The following GALNT2 variants were observed in gnomAD, a reference collection of about 807,000 sequenced individuals.
The protein encoded by GALNT2 is UDP-GalNAc:polypeptide N-acetylgalactosaminyltransferase 2.
A neutral mutation model predicts 81.4 loss-of-function variants in GALNT2; 31 were observed. That is an observed-to-expected ratio of 0.38 (90% CI 0.29 to 0.51). The LOEUF (loss-of-function observed/expected upper bound fraction) is 0.51, where lower values mean the gene tolerates loss of function less well. Among genes scored for constraint, GALNT2 ranks in the 20% least tolerant of loss-of-function variants. The pLI is 0.87. For missense variants in GALNT2, 629 were observed against 765.7 expected (o/e 0.82, Z 2.11); for synonymous variants, 303 against 287.4 (o/e 1.05, Z -0.55).
intron 14 of GALNT2, among the ~76,000 whole-genome samples, chr1:230,266,327 T>C (rs1260415989): frequency 6.6e-6 from 1 of 152,118 alleles, no homozygotes; most frequent in Non-Finnish European, 1.5e-5. Flanking sequence ...TCCCATGAGA[T>C]AATAATAGGA....
At chr1:230,272,996 T>C (rs563921199) in intron 14 of GALNT2, among the ~76,000 whole-genome samples, 43 of 152,262 alleles carry the variant, frequency 2.8e-4, no homozygotes, top group African/African-American at 9.9e-4. Flanking sequence ...GATCTTGAAC[T>C]CCTGGCATTA....
chr1:230,166,947 C>G (rs189832141), intron 1 of GALNT2, among the ~76,000 whole-genome samples: 2 of 152,282 alleles, frequency 1.3e-5, no homozygotes, highest in African/African-American at 4.8e-5. Flanking sequence ...CTTGGGTTGG[C>G]TGTACCTGGG....
intron 1 of GALNT2, among the ~76,000 whole-genome samples, chr1:230,136,843 A>G (rs1661564416): frequency 6.6e-6 from 1 of 152,186 alleles, no homozygotes; most frequent in African/African-American, 2.4e-5. Flanking sequence ...CAACAAGAAC[A>G]GGTTGAAATC....
chr1:230,120,822 G>A (rs1660994135), intron 1 of GALNT2, among the ~76,000 whole-genome samples: 1 of 152,202 alleles, frequency 6.6e-6, no homozygotes, highest in African/African-American at 2.4e-5. Flanking sequence ...GCCAGACACA[G>A]CTGAATCTCA....
In GALNT2 at chr1:230,249,244, G is replaced by A. The variant is rs201131857; in HGVS notation, c.878G>A (p.Arg293Gln). Residue 293 changes from arginine (R) to glutamine (Q), a missense_variant, in exon 9 of 16, where the codon CGG becomes CAG. Physicochemically the swap from Arg to Gln is conservative, Grantham distance 43. Coordinates refer to ENST00000366672, the MANE Select transcript of GALNT2 (RefSeq NM_004481.5). ...ATGACGCCTGAGCAGAGAAGGTCCC[G>A]GCAGGGGAACCCAGTCGCCCCTATA... ...DYMTPEQRRSRQGNPVAPIKT... is the reference protein window; with the variant it reads ...DYMTPEQRRSQQGNPVAPIKT... 9.3e-6 allele frequency: 15 copies of A among 1,613,950 alleles called. No homozygotes were observed. Among genetic ancestry groups the A allele is most frequent in the African/African-American group, 2.7e-5 (2 of 74,896 alleles).
intron 1 of GALNT2, among the ~76,000 whole-genome samples, chr1:230,084,469 G>A (rs959083825): frequency 6.6e-6 from 1 of 152,206 alleles, no homozygotes; most frequent in Non-Finnish European, 1.5e-5. Context: ...TGGTGAATGG[G>A]ACGTGAGGTC....
At chr1:230,225,771 C>T (rs563743592) in intron 3 of GALNT2, among the ~76,000 whole-genome samples, 179 of 151,640 alleles carry the variant, frequency 1.2e-3, no homozygotes, top group South Asian at 5.0e-3. Flanking sequence ...AATTATGGCT[C>T]CACATTAGAG....
At chr1:230,185,847 T>G (rs925785796) in intron 2 of GALNT2, among the ~76,000 whole-genome samples, 2 of 152,190 alleles carry the variant, frequency 1.3e-5, no homozygotes, top group African/African-American at 4.8e-5. Context: ...TTTAATCTCT[T>G]AGGCTTGTCC....
intron 6 of GALNT2, among the ~76,000 whole-genome samples, chr1:230,239,535 T>G (rs1332942140): frequency 6.6e-6 from 1 of 152,218 alleles, no homozygotes; most frequent in African/African-American, 2.4e-5. Context: ...AAGAAAGATG[T>G]AGGCCGGGGG....
At chr1:230,161,849 C>G (rs749542358) in intron 1 of GALNT2, among the ~76,000 whole-genome samples, 1 of 152,194 alleles carries the variant, frequency 6.6e-6, no homozygotes, top group Non-Finnish European at 1.5e-5. Flanking sequence ...ACTTCTGTCT[C>G]TGGGAAGTTC....
rs56786141 is a variant in GALNT2 at position 230,180,296 on chromosome 1, CTTTTTTTTTTT to C, written c.220+2001_220+2011del. ...AAAGTGTAAGAGCTGTGTCTAGGTT[CTTTTTTTTTTT>C]TTTTTTTTTTTTTTTGGCATGTGAG... On this transcript the variant is annotated intron_variant, in intron 2 of 15. Coordinates refer to ENST00000366672, the MANE Select transcript of GALNT2 (RefSeq NM_004481.5). Among the ~76,000 whole-genome samples, 23 of 70,604 alleles carry C rather than the reference CTTTTTTTTTTT, an allele frequency of 3.3e-4. 1 individual carries two copies. The highest frequency in any genetic ancestry group is 4.2e-4 in the Non-Finnish European group (16 of 37,682). 46.3% of individuals were successfully genotyped at this position (70,604 alleles called of 152,430 possible).
In GALNT2 at chr1:230,246,131, A is replaced by G; in HGVS notation, c.798A>G (p.Ala266=). Reference sequence around the variant, plus strand: ...TGGACAACTTTCAGTATGTGGGGGCATCTGCTGACTTGAAGGGCGGTAGGT... The same window carrying G: ...TGGACAACTTTCAGTATGTGGGGGCGTCTGCTGACTTGAAGGGCGGTAGGT... ...INMDNFQYVG[A]SADLKGGFDW... is the part of the protein sequence containing the mutation. Residue 266 remains alanine, a synonymous_variant, in exon 8 of 16, where the codon GCA becomes GCG. Coordinates refer to ENST00000366672, the MANE Select transcript of GALNT2 (RefSeq NM_004481.5). 6.2e-7 allele frequency: 1 copy of G among 1,614,086 alleles called. No individual in the cohort carries two copies. The highest frequency in any genetic ancestry group is 1.3e-5 in the African/African-American group (1 of 75,032).
Position 230,151,812 on chromosome 1 carries a change from G to T in GALNT2, c.127-26406G>T, listed in dbSNP as rs558318231. ...ACAAAAGTAAAGGAATAAAAGAATG[G>T]CTGTTCCATAGACAGAGCAGCCTCG... On this transcript the variant is annotated intron_variant, in intron 1 of 15. Coordinates refer to ENST00000366672, the MANE Select transcript of GALNT2 (RefSeq NM_004481.5). Among the ~76,000 whole-genome samples the T allele has an allele frequency of 1.4e-4, 22 of 152,328 alleles. No individual in the cohort carries two copies. The South Asian group carries it at 4.3e-3, about 30-fold the overall frequency.
rs58544942 is a variant in GALNT2 at position 230,252,843 on chromosome 1, C to CTTTTTTTTTTTTTTT, written c.1009+2291_1009+2305dup. Among the ~76,000 whole-genome samples, 31 of 78,944 alleles carry CTTTTTTTTTTTTTTT rather than the reference C, an allele frequency of 3.9e-4. 2 individuals are homozygous for CTTTTTTTTTTTTTTT. Among genetic ancestry groups the CTTTTTTTTTTTTTTT allele is most frequent in the Non-Finnish European group, 4.5e-4 (20 of 44,168 alleles). 51.8% of individuals were successfully genotyped at this position (78,944 alleles called of 152,430 possible). On this transcript the variant is annotated intron_variant, in intron 10 of 15. Coordinates refer to ENST00000366672, the MANE Select transcript of GALNT2 (RefSeq NM_004481.5). ...TTATTTTCTGAAATAGAGACAACTT[C>CTTTTTTTTTTTTTTT]TTTTTTTTTTTTTTTTTTTTTTGAG...
At chr1:230,200,874 C>T (rs986170760) in intron 2 of GALNT2, among the ~76,000 whole-genome samples, 2 of 152,188 alleles carry the variant, frequency 1.3e-5, no homozygotes, top group Non-Finnish European at 2.9e-5. Context: ...TTCCGTGGTG[C>T]AGGGTATTCA....
chr1:230,087,605 C>T (rs74347400), intron 1 of GALNT2, among the ~76,000 whole-genome samples: 3,531 of 152,290 alleles, frequency 0.023, 71 homozygotes, highest in South Asian at 0.059. Context: ...GGCTGTGGGG[C>T]CCAAGTGTGT....
chr1:230,163,903 AGTCT>A (rs1387324338), intron 1 of GALNT2, among the ~76,000 whole-genome samples: 2 of 152,192 alleles, frequency 1.3e-5, no homozygotes, highest in African/African-American at 2.4e-5. Flanking sequence ...ACACGGGGTC[AGTCT>A]GTCTGTCCCA....
At position 230,243,574 on chromosome 1, in the gene GALNT2, A is replaced by G; in HGVS notation, c.729+147A>G. ...AGCTCGCCGTCTGCAGTTTTCCTTGATAGAAGGAAAATGCCTTTGGGGCAT... is the reference window on the plus strand; with the variant it reads ...AGCTCGCCGTCTGCAGTTTTCCTTGGTAGAAGGAAAATGCCTTTGGGGCAT... On this transcript the variant is annotated intron_variant, in intron 7 of 15. Coordinates refer to ENST00000366672, the MANE Select transcript of GALNT2 (RefSeq NM_004481.5). This position sits in a 1 kb window ranked among gnomAD's most constrained non-coding sequence, Gnocchi z 4.2. 1 of 1,022,982 alleles carries G rather than the reference A, an allele frequency of 9.8e-7. No homozygotes were observed. Among genetic ancestry groups the G allele is most frequent in the Non-Finnish European group, 1.3e-6 (1 of 741,682 alleles). The allele number at this position is 1,022,982 out of a possible 1,614,324, so 63.4% of individuals were successfully genotyped here.
chr1:230,142,530 A>G (rs1046722283), intron 1 of GALNT2, among the ~76,000 whole-genome samples: 4 of 152,188 alleles, frequency 2.6e-5, no homozygotes, highest in African/African-American at 7.2e-5. Flanking sequence ...TGGGGAAAAA[A>G]GTAGTACCTA....
Sources: allele counts gnomAD v4.1 joint callset (sites outside exome capture counted in the v4.1 genomes callset), GRCh38; gene constraint gnomAD v4.1.1; non-coding constraint Gnocchi (gnomAD v3.1); transcripts MANE v1.5; gene names NCBI Gene and HGNC (gene_info 2026-07-23, HGNC 2026-07-21).